The following BMPER variants were observed in gnomAD, a reference collection of about 807,000 sequenced individuals.
The protein encoded by BMPER is BMP-binding endothelial regulator protein.
Under a neutral mutation model 87.3 loss-of-function variants are expected in BMPER, and 45 were observed. That is an observed-to-expected ratio of 0.52 (90% CI 0.41 to 0.66). The LOEUF (loss-of-function observed/expected upper bound fraction) is 0.66. BMPER is among the 30% of genes least tolerant of loss of function. BMPER has a pLI of 0.00. For missense variants in BMPER, 784 were observed against 867.5 expected (o/e 0.90, Z 1.21); for synonymous variants, 326 against 316.2 (o/e 1.03, Z -0.33).
chr7:34,004,419 A>G (rs1333766100), intron 6 of BMPER, among the ~76,000 whole-genome samples: 1 of 152,060 alleles, frequency 6.6e-6, no homozygotes, highest in African/African-American at 2.4e-5. Context: ...TGCTTACTTT[A>G]TGTGTCGTCA....
chr7:34,131,247 G>C (rs1419192804), intron 13 of BMPER, among the ~76,000 whole-genome samples: 2 of 152,064 alleles, frequency 1.3e-5, no homozygotes, highest in Admixed American at 6.5e-5. Context: ...TCTTGGGACG[G>C]GTAGCACCCT....
At chr7:34,034,757 C>T (rs1430252551) in intron 6 of BMPER, among the ~76,000 whole-genome samples, 2 of 152,226 alleles carry the variant, frequency 1.3e-5, no homozygotes, top group Admixed American at 6.5e-5. Flanking sequence ...ATACAGGCAT[C>T]TGTGGTACTG....
At chr7:33,937,513 G>GGTGTGTGTGTGTGTGTGT (rs376953621) in intron 3 of BMPER, 125 bp downstream of exon 3, 82 of 734,470 alleles carry the variant, frequency 1.1e-4, no homozygotes, top group Non-Finnish European at 1.5e-4. Flanking sequence ...GGAGAAGTAG[G>GGTGTGTGTGTGTGTGTGT]GTGTGTGTGT....
chr7:34,071,409 G>T (rs866852573), intron 11 of BMPER, among the ~76,000 whole-genome samples: 1 of 152,144 alleles, frequency 6.6e-6, no homozygotes, highest in Non-Finnish European at 1.5e-5. Flanking sequence ...GGTAGTTTGT[G>T]CATGATTTTA....
chr7:34,134,739 T>A (rs1394058930), intron 13 of BMPER, among the ~76,000 whole-genome samples: 1 of 152,198 alleles, frequency 6.6e-6, no homozygotes, highest in Non-Finnish European at 1.5e-5. Context: ...GCATGAAGAT[T>A]ATACTCTTCA....
rs944260169 is a variant in BMPER at position 33,979,429 on chromosome 7, C to T, written c.576+4645C>T. ...GTATTCCTGATGGCTCCATGGCTCT[C>T]GTTTGCTATAGCTTCCCTGCCATCT... On this transcript the variant is annotated intron_variant, in intron 6 of 14. Coordinates refer to ENST00000649409, the MANE Select transcript of BMPER (RefSeq NM_001365308.1). Among the ~76,000 whole-genome samples, 14 of 152,038 alleles carry T rather than the reference C, an allele frequency of 9.2e-5. 1 individual carries two copies. In the South Asian group the frequency reaches 2.5e-3, roughly 27 times the overall value.
At chr7:34,002,469 A>C (rs1398025501) in intron 6 of BMPER, among the ~76,000 whole-genome samples, 1 of 151,812 alleles carries the variant, frequency 6.6e-6, no homozygotes, top group Non-Finnish European at 1.5e-5. Flanking sequence ...AATGATTTTC[A>C]ACTTATGATT....
intron 7 of BMPER, among the ~76,000 whole-genome samples, chr7:34,050,945 T>G (rs1319334442): frequency 1.3e-5 from 2 of 152,196 alleles, no homozygotes; most frequent in African/African-American, 4.8e-5. Context: ...TTATGTAATT[T>G]CATAACTGAA....
rs556149747 is a variant in BMPER, at chr7:34,077,281, G to A, written c.1079-1576G>A. 3.3e-5 allele frequency among the ~76,000 whole-genome samples: 5 copies of A among 152,264 alleles called. No homozygotes were observed. In the South Asian group the frequency reaches 1.0e-3, roughly 32 times the overall value. ...GAAGAGGTTAGATAGCTGGGAACTA[G>A]TTGAGAAGATATGGAGTTAGGAAGG... is the stretch of plus-strand genomic sequence containing the variant. On this transcript the variant is annotated intron_variant, in intron 11 of 14. Coordinates refer to ENST00000649409, the MANE Select transcript of BMPER (RefSeq NM_001365308.1).
intron 2 of BMPER, among the ~76,000 whole-genome samples, chr7:33,928,472 T>G (rs1044080718): frequency 6.6e-6 from 1 of 151,992 alleles, no homozygotes; most frequent in Non-Finnish European, 1.5e-5. Flanking sequence ...GGTGGTTGTT[T>G]TTTTTTGTGT....
intron 11 of BMPER, 43 bp downstream of exon 11, chr7:34,062,090 G>T: frequency 6.4e-7 from 1 of 1,555,398 alleles, no homozygotes. Flanking sequence ...TATTTGTTTT[G>T]CATTTTATAG....
chr7:34,137,995 A>G (rs1363690579), intron 13 of BMPER, among the ~76,000 whole-genome samples: 1 of 152,226 alleles, frequency 6.6e-6, no homozygotes, highest in Non-Finnish European at 1.5e-5. Context: ...TGGCAGCACC[A>G]TCTAATAGCA....
chr7:34,097,523 T>A (rs1348880908), intron 13 of BMPER, among the ~76,000 whole-genome samples: 8 of 152,216 alleles, frequency 5.3e-5, no homozygotes, highest in Non-Finnish European at 1.0e-4. Flanking sequence ...AGTAGTTTGT[T>A]ATACCTATTA....
At chr7:33,914,586 A>G (rs1768541474) in intron 2 of BMPER, among the ~76,000 whole-genome samples, 1 of 152,194 alleles carries the variant, frequency 6.6e-6, no homozygotes, top group South Asian at 2.1e-4. Context: ...AAAGATCGTG[A>G]GTTCAGTATA....
chr7:33,922,450 T>A (rs1217123421), intron 2 of BMPER, among the ~76,000 whole-genome samples: 1 of 152,214 alleles, frequency 6.6e-6, no homozygotes, highest in Non-Finnish European at 1.5e-5. Flanking sequence ...AGTTAGACAT[T>A]TGCAGGGACG....
At chr7:34,002,238 T>C (rs964549050) in intron 6 of BMPER, among the ~76,000 whole-genome samples, 1 of 151,800 alleles carries the variant, frequency 6.6e-6, no homozygotes, top group African/African-American at 2.4e-5. Flanking sequence ...ATGATACACA[T>C]TTTGTAGAAA....
intron 13 of BMPER, among the ~76,000 whole-genome samples, chr7:34,096,215 T>A (rs1789526948): frequency 6.6e-6 from 1 of 152,210 alleles, no homozygotes; most frequent in Admixed American, 6.5e-5. Flanking sequence ...CTGGTTTCCA[T>A]CAGGCCACAT....
At chr7:33,990,964 GC>G (rs1401768974) in intron 6 of BMPER, among the ~76,000 whole-genome samples, 2 of 129,970 alleles carry the variant, frequency 1.5e-5, no homozygotes, top group African/African-American at 5.8e-5. Context: ...CAGGGATGAA[GC>G]CCACTTGATC....
chr7:33,909,697 GAA>G (rs1207794639), intron 2 of BMPER, among the ~76,000 whole-genome samples: 2 of 131,302 alleles, frequency 1.5e-5, no homozygotes, highest in East Asian at 4.4e-4. Context: ...AAAAAAAAAA[GAA>G]AGAAAAAGCT....
Sources: gnomAD v4.1 joint callset for allele counts (sites outside exome capture counted in the v4.1 genomes callset) on GRCh38, gnomAD v4.1.1 for gene constraint, MANE v1.5 for transcripts, NCBI Gene and HGNC (gene_info 2026-07-23, HGNC 2026-07-21) for gene names.